ADGRL3: variants seen among roughly 807,000 people sequenced by gnomAD.
The protein encoded by ADGRL3 is calcium-independent alpha-latrotoxin receptor 3.
Under a neutral mutation model 153.5 loss-of-function variants are expected in ADGRL3, and 62 were observed. The ratio of observed to expected loss-of-function variants is 0.40; its 90% confidence interval spans 0.33 to 0.50. The LOEUF (loss-of-function observed/expected upper bound fraction) is 0.50. Among genes scored for constraint, ADGRL3 ranks in the 20% least tolerant of loss-of-function variants. ADGRL3 has a pLI of 0.47. For missense variants in ADGRL3, 1,641 were observed against 1,859.4 expected, an observed-to-expected ratio of 0.88 and a Z score of 2.16; for synonymous variants, 710 against 672.5, an observed-to-expected ratio of 1.06 and a Z score of -0.86.
At chr4:61,720,999 A>G (rs745724003) in intron 6 of ADGRL3, among the ~76,000 whole-genome samples, 4 of 151,480 alleles carry the variant, frequency 2.6e-5, no homozygotes, top group Non-Finnish European at 5.9e-5. Context: ...TGAGGATTAA[A>G]TAAGATAATA....
intron 1 of ADGRL3, among the ~76,000 whole-genome samples, chr4:61,213,645 G>T (rs371866233): frequency 1.3e-5 from 2 of 152,068 alleles, no homozygotes; most frequent in Non-Finnish European, 2.9e-5. Flanking sequence ...TAATGGAAAT[G>T]AGATTAAACC....
chr4:61,748,840 A>C (rs1379550466), intron 8 of ADGRL3, among the ~76,000 whole-genome samples: 22 of 151,912 alleles, frequency 1.4e-4, no homozygotes, highest in African/African-American at 3.6e-4. Context: ...CAATGGCAAC[A>C]AAAGCCAAAA....
chr4:61,727,979 TA>T (rs2096377969), intron 6 of ADGRL3, among the ~76,000 whole-genome samples: 1 of 152,140 alleles, frequency 6.6e-6, no homozygotes, highest in Non-Finnish European at 1.5e-5. Flanking sequence ...TGTATTCATG[TA>T]ATTTGATTAT....
At chr4:61,939,294 G>A (rs1047150499) in intron 15 of ADGRL3, among the ~76,000 whole-genome samples, 10 of 152,078 alleles carry the variant, frequency 6.6e-5, no homozygotes, top group African/African-American at 2.4e-4. Context: ...GAAGCATTTA[G>A]CTTGGGAATT....
intron 2 of ADGRL3, among the ~76,000 whole-genome samples, chr4:61,409,389 A>G (rs2097055092): frequency 9.2e-6 from 1 of 108,228 alleles, no homozygotes; most frequent in South Asian, 3.3e-4. Flanking sequence ...TATTATATAT[A>G]TATTAGACAT....
At chr4:61,610,200 T>C (rs538959334) in intron 5 of ADGRL3, among the ~76,000 whole-genome samples, 77 of 151,924 alleles carry the variant, frequency 5.1e-4, no homozygotes, top group Non-Finnish European at 1.0e-3. Flanking sequence ...TGCAAGGGAA[T>C]CTATGACATG....
chr4:61,322,821 A>AGT (rs2095387833), intron 1 of ADGRL3, among the ~76,000 whole-genome samples: 1 of 152,190 alleles, frequency 6.6e-6, no homozygotes, highest in Non-Finnish European at 1.5e-5. Context: ...GCAAGCTGTC[A>AGT]GTGTATCTAC....
At chr4:61,721,514 GATT>G (rs1238590347) in intron 6 of ADGRL3, among the ~76,000 whole-genome samples, 8 of 152,180 alleles carry the variant, frequency 5.3e-5, no homozygotes, top group Non-Finnish European at 7.3e-5. Flanking sequence ...GCTGGCAGCT[GATT>G]AGATTGTGCC....
intron 15 of ADGRL3, among the ~76,000 whole-genome samples, chr4:61,946,537 A>C (rs2098925301): frequency 6.6e-6 from 1 of 152,144 alleles, no homozygotes; most frequent in Non-Finnish European, 1.5e-5. Context: ...AAAGTTTAGT[A>C]TATCATTTTA....
At chr4:61,237,890 A>G (rs2149280878) in intron 1 of ADGRL3, among the ~76,000 whole-genome samples, 1 of 152,284 alleles carries the variant, frequency 6.6e-6, no homozygotes, top group Middle Eastern at 3.4e-3. Flanking sequence ...ACACAGTACA[A>G]TACACTGCCG....
intron 8 of ADGRL3, among the ~76,000 whole-genome samples, chr4:61,805,436 C>A (rs894269739): frequency 1.3e-5 from 2 of 152,180 alleles, no homozygotes; most frequent in African/African-American, 4.8e-5. Flanking sequence ...CTCTAGGGAA[C>A]AAACCTCTTT....
At chr4:61,343,515 C>T (rs2095846051) in intron 1 of ADGRL3, among the ~76,000 whole-genome samples, 2 of 152,138 alleles carry the variant, frequency 1.3e-5, no homozygotes, top group Admixed American at 6.6e-5. Flanking sequence ...AGGCTCTGGT[C>T]CTGTCTCGTG....
chr4:61,914,467 G>A (rs1027777569), intron 13 of ADGRL3, among the ~76,000 whole-genome samples: 8 of 152,052 alleles, frequency 5.3e-5, no homozygotes, highest in African/African-American at 1.4e-4. Flanking sequence ...TTTATGTGTA[G>A]GTTTGATAAA....
In ADGRL3 at chr4:61,816,753, A is replaced by G. The variant is rs909613469; in HGVS notation, c.1480+2864A>G. ...GGATGCCAGCTGCAGCAGGGGAGGC[A>G]TGCCTGGGGCTTCATGCTCTGCTGA... On this transcript the variant is annotated intron_variant, in intron 9 of 26. Coordinates refer to ENST00000683033, the MANE Select transcript of ADGRL3 (RefSeq NM_001387552.1). Among the ~76,000 whole-genome samples the G allele has an allele frequency of 3.9e-5, 6 of 152,116 alleles. No homozygotes were observed. In the South Asian group the frequency reaches 1.0e-3, roughly 26 times the overall value.
chr4:62,019,365 CTAATT>C (rs1198282214), intron 21 of ADGRL3, among the ~76,000 whole-genome samples: 1 of 151,948 alleles, frequency 6.6e-6, no homozygotes, highest in Non-Finnish European at 1.5e-5. Flanking sequence ...TTATTGGTAT[CTAATT>C]TAACTTTATT....
intron 1 of ADGRL3, among the ~76,000 whole-genome samples, chr4:61,333,451 A>C (rs918451440): frequency 6.6e-6 from 1 of 152,314 alleles, no homozygotes; most frequent in East Asian, 1.9e-4. Flanking sequence ...ACCTTAATTG[A>C]AGTGTGGTGT....
chr4:61,372,480 T>C (rs1324068765), intron 1 of ADGRL3, among the ~76,000 whole-genome samples: 1 of 152,154 alleles, frequency 6.6e-6, no homozygotes, highest in South Asian at 2.1e-4. Context: ...TCTGTTGGAG[T>C]ACCCTGCAGT....
chr4:61,807,020 CA>C (rs1457758462), intron 8 of ADGRL3, among the ~76,000 whole-genome samples: 2 of 147,000 alleles, frequency 1.4e-5, no homozygotes, highest in African/African-American at 2.5e-5. Context: ...TAAAAATAAG[CA>C]TTTTTAAACA....
intron 2 of ADGRL3, among the ~76,000 whole-genome samples, chr4:61,480,536 G>T (rs534291901): frequency 2.0e-5 from 3 of 151,920 alleles, no homozygotes; most frequent in African/African-American, 7.3e-5. Context: ...CTATAATTCC[G>T]GCACTTTGGG....
Sources: gnomAD v4.1 joint callset for allele counts (sites outside exome capture counted in the v4.1 genomes callset) on GRCh38, gnomAD v4.1.1 for gene constraint, MANE v1.5 for transcripts, NCBI Gene and HGNC (gene_info 2026-07-23, HGNC 2026-07-21) for gene names.